Variants in ITK observed in about 807,000 individuals in gnomAD.
ITK encodes IL2 inducible T cell kinase.
In ITK, 45 loss-of-function variants were observed where a neutral mutation model predicts 87.6. That is an observed-to-expected ratio of 0.51 (90% CI 0.40 to 0.66). The LOEUF is 0.66. ITK is among the 30% of genes least tolerant of loss of function. The probability of loss-of-function intolerance (pLI) is 0.00; values close to 1 mark genes in which losing one functional copy is unlikely to be tolerated. For missense variants in ITK, 605 were observed against 766.3 expected (o/e 0.79, Z 2.48); for synonymous variants, 303 against 273.6 (o/e 1.11, Z -1.06).
intron 1 of ITK, among the ~76,000 whole-genome samples, chr5:157,193,002 C>G (rs2436383): frequency 0.55 from 84,015 of 151,986 alleles, 24,067 homozygotes; most frequent in African/African-American, 0.71. Flanking sequence ...GATCTCTTGA[C>G]GGCACGAGTT....
chr5:157,242,333 G>T (rs1754925794), intron 11 of ITK, among the ~76,000 whole-genome samples: 2 of 152,104 alleles, frequency 1.3e-5, no homozygotes, highest in Non-Finnish European at 2.9e-5. Flanking sequence ...GGAGAAGGCT[G>T]GTCTAATTTT....
chr5:157,235,909 G>A (rs1754766490), intron 8 of ITK, among the ~76,000 whole-genome samples: 1 of 152,166 alleles, frequency 6.6e-6, no homozygotes, highest in South Asian at 2.1e-4. Context: ...CTTCCAATAA[G>A]TAGCAAACTT....
intron 1 of ITK, among the ~76,000 whole-genome samples, chr5:157,206,928 T>C (rs920643613): frequency 6.6e-6 from 1 of 152,138 alleles, no homozygotes; most frequent in African/African-American, 2.4e-5. Context: ...TGTATCTTAA[T>C]TACAGAGATT....
chr5:157,233,932 CATATATATATATATATATATAT>C lies in ITK; in HGVS notation c.768+1549_768+1570del, dbSNP rs201838461. On this transcript the variant is annotated intron_variant, in intron 8 of 16. Transcript: ENST00000422843. ...GTTGAAACATTCCTCCTTACTGATA[CATATATATATATATATATATAT>C]ATATATATATTTTTTTTTTTTTTTT... Among the ~76,000 whole-genome samples the C allele has an allele frequency of 8.4e-4, 18 of 21,524 alleles. No individual in the cohort carries two copies. In the South Asian group the frequency reaches 0.014, roughly 16 times the overall value. 14.1% of individuals were successfully genotyped at this position (21,524 alleles called of 152,430 possible).
rs769558375 is a variant in ITK at position 157,252,627 on chromosome 5, C to A, written c.1812C>A (p.Ala604=). ...CWKERPEDRP[A]FSRLLRQLAE... Reference sequence around the variant, plus strand: ...TCCAGAGACCAGAAGATCGGCCAGCCTTCTCCAGACTGCTGCGTCAACTGG... The same window carrying A: ...TCCAGAGACCAGAAGATCGGCCAGCATTCTCCAGACTGCTGCGTCAACTGG... Residue 604 remains alanine, a synonymous_variant, in exon 17 of 17, where the codon GCC becomes GCA. Coordinates refer to ENST00000422843, the MANE Select transcript of ITK (RefSeq NM_005546.4). The A allele has an allele frequency of 4.3e-6, 7 of 1,613,980 alleles. No individual in the cohort carries two copies. The highest frequency in any genetic ancestry group is 5.9e-6 in the Non-Finnish European group (7 of 1,179,926).
intron 9 of ITK, 113 bp from the exon 10 acceptor site, chr5:157,239,949 C>A: frequency 1.9e-6 from 2 of 1,052,098 alleles, no homozygotes; most frequent in Non-Finnish European, 2.8e-6. Context: ...CAATATCTGC[C>A]ACCTTGTGAG....
chr5:157,243,083 G>A (rs1400547428), intron 11 of ITK, among the ~76,000 whole-genome samples: 1 of 152,210 alleles, frequency 6.6e-6, no homozygotes, highest in Non-Finnish European at 1.5e-5. Context: ...TACTCATTTT[G>A]TTGGTGAGGA....
chr5:157,183,811 T>C (rs1753589442), intron 1 of ITK, among the ~76,000 whole-genome samples: 1 of 152,218 alleles, frequency 6.6e-6, no homozygotes, highest in Non-Finnish European at 1.5e-5. Flanking sequence ...ATTCTTGCAG[T>C]TCTCATATTC....
chr5:157,209,919 C>T (rs1381868311), intron 2 of ITK, among the ~76,000 whole-genome samples: 1 of 149,120 alleles, frequency 6.7e-6, no homozygotes, highest in African/African-American at 2.4e-5. Flanking sequence ...GTTCCTATCA[C>T]TGCAGAAATT....
At chr5:157,239,859 C>A (rs182872086) in intron 9 of ITK, among the ~76,000 whole-genome samples, 1 of 152,292 alleles carries the variant, frequency 6.6e-6, no homozygotes, top group Admixed American at 6.5e-5. Flanking sequence ...CCACTGGGTC[C>A]AGACACAACC....
intron 13 of ITK, chr5:157,244,969 T>C (rs1754992803): frequency 1.0e-5 from 2 of 196,622 alleles, no homozygotes; most frequent in South Asian, 1.8e-4. Context: ...CTCATGCCTG[T>C]ACTCCCAGCA....
chr5:157,222,051 T>C (rs1224880402), intron 5 of ITK, among the ~76,000 whole-genome samples: 1 of 152,150 alleles, frequency 6.6e-6, no homozygotes, highest in African/African-American at 2.4e-5. Flanking sequence ...GACGAGACTC[T>C]TTTTTCAGCT....
chr5:157,209,151 T>A (rs1254983533), intron 2 of ITK, among the ~76,000 whole-genome samples, 158 bp downstream of exon 2: 2 of 151,920 alleles, frequency 1.3e-5, no homozygotes, highest in East Asian at 3.9e-4. Context: ...CTGGCCAACA[T>A]GAAACCCCAT....
At chr5:157,250,015 C>G (rs1161173948) in intron 16 of ITK, among the ~76,000 whole-genome samples, 1 of 152,132 alleles carries the variant, frequency 6.6e-6, no homozygotes, top group Non-Finnish European at 1.5e-5. Context: ...TTTCCCTGTT[C>G]ACTAACATTT....
rs1272721922 is a variant in ITK, at chr5:157,255,002, A to G, written c.*2324A>G. On this transcript the variant is annotated 3_prime_UTR_variant, in exon 17 of 17. Transcript: ENST00000422843. The stretch of plus-strand genomic sequence containing the variant: ...TCTAGTTTTATTTCGTAGATTTTGC[A>G]TTTTGTACCTTTTGAGACTATGTAT... 1 of 207,856 alleles carries G rather than the reference A, an allele frequency of 4.8e-6. No homozygotes were observed. The highest frequency in any genetic ancestry group is 2.3e-5 in the African/African-American group (1 of 43,800). The allele number at this position is 207,856 out of a possible 1,614,324, so 12.9% of individuals were successfully genotyped here. A position where few individuals can be genotyped will look rare whatever the true frequency, so the allele number is the denominator to read the frequency against.
At chr5:157,189,903 T>C (rs930315409) in intron 1 of ITK, among the ~76,000 whole-genome samples, 1 of 152,218 alleles carries the variant, frequency 6.6e-6, no homozygotes, top group Admixed American at 6.5e-5. Context: ...TTATGAGGCC[T>C]ACTGGAAAAA....
chr5:157,181,721 T>C (rs138557753), intron 1 of ITK, among the ~76,000 whole-genome samples: 1,533 of 152,328 alleles, frequency 0.01, 27 homozygotes, highest in African/African-American at 0.03. Flanking sequence ...CATCTCTTGA[T>C]AGACTTCTTA....
At chr5:157,197,148 A>T (rs1472508411) in intron 1 of ITK, among the ~76,000 whole-genome samples, 1 of 152,202 alleles carries the variant, frequency 6.6e-6, no homozygotes, top group African/African-American at 2.4e-5. Context: ...TACCCATATA[A>T]AAGCACACTG....
intron 7 of ITK, 81 bp downstream of exon 7, chr5:157,228,442 A>T: frequency 3.5e-6 from 3 of 846,734 alleles, no homozygotes; most frequent in South Asian, 2.7e-5. Flanking sequence ...GGTTGACTGT[A>T]AAAATACCAG....
Sources: allele counts gnomAD v4.1 joint callset (sites outside exome capture counted in the v4.1 genomes callset), GRCh38; gene constraint gnomAD v4.1.1; transcripts MANE v1.5; gene names NCBI Gene and HGNC (gene_info 2026-07-23, HGNC 2026-07-21).